Variants in XRCC4 observed in about 807,000 individuals in gnomAD.
XRCC4 encodes X-ray repair cross complementing 4.
A neutral mutation model predicts 39.1 loss-of-function variants in XRCC4; 28 were observed. That is an observed-to-expected ratio of 0.72 (90% confidence interval 0.53 to 0.98). The LOEUF is 0.98. Among genes scored for constraint, XRCC4 ranks in the 50% least tolerant of loss-of-function variants. The probability of loss-of-function intolerance (pLI) is 0.00; values close to 1 mark genes in which losing one functional copy is unlikely to be tolerated. For synonymous variants in XRCC4, 123 were observed against 126.4 expected, an observed-to-expected ratio of 0.97 and a Z score of 0.18; for missense variants, 350 against 376.4, an observed-to-expected ratio of 0.93 and a Z score of 0.58.
chr5:83,158,194 C>T (rs1384410639), intron 3 of XRCC4, among the ~76,000 whole-genome samples: 2 of 152,084 alleles, frequency 1.3e-5, no homozygotes, highest in African/African-American at 4.8e-5. Context: ...GGACGAATAA[C>T]GTCATCTTCT....
intron 3 of XRCC4, among the ~76,000 whole-genome samples, chr5:83,177,478 A>G (rs73132591): frequency 0.018 from 2,673 of 149,920 alleles, 77 homozygotes; most frequent in African/African-American, 0.063. Context: ...TTAAAAACAT[A>G]TCGAGCTTGG....
intron 1 of XRCC4, among the ~76,000 whole-genome samples, chr5:83,085,428 AT>A (rs1349693306): frequency 1.3e-5 from 2 of 152,054 alleles, no homozygotes; most frequent in Non-Finnish European, 2.9e-5. Flanking sequence ...ATAAAATTAC[AT>A]CTGTCTAAAC....
rs184989051 is a variant in XRCC4, at chr5:83,125,606, A to G, written c.315+14403A>G. Among the ~76,000 whole-genome samples, 647 of 152,096 alleles carry G rather than the reference A, an allele frequency of 4.3e-3. 2 individuals carry two copies. Among genetic ancestry groups the G allele is most frequent in the Non-Finnish European group, 5.5e-3 (375 of 67,980 alleles). On this transcript the variant is annotated intron_variant, in intron 3 of 7. Coordinates refer to ENST00000396027, the MANE Select transcript of XRCC4 (RefSeq NM_003401.5). ...TGGACTTGAGTGGGTCTATTTTTGT[A>G]TTTTCTATGCTGCCTCATGGATCTA... is the stretch of plus-strand genomic sequence containing the variant.
At chr5:83,133,657 C>G (rs1011289226) in intron 3 of XRCC4, among the ~76,000 whole-genome samples, 2 of 152,288 alleles carry the variant, frequency 1.3e-5, no homozygotes, top group African/African-American at 4.8e-5. Flanking sequence ...TAGCAGTGAG[C>G]GAGGCTCCAT....
chr5:83,245,933 A>T (rs1045061011), intron 6 of XRCC4, among the ~76,000 whole-genome samples: 1 of 151,314 alleles, frequency 6.6e-6, no homozygotes, highest in Non-Finnish European at 1.5e-5. Context: ...TTGTCTATTG[A>T]GTACTCATTC....
intron 3 of XRCC4, among the ~76,000 whole-genome samples, chr5:83,145,614 T>A (rs1386311356): frequency 6.6e-6 from 1 of 152,218 alleles, no homozygotes; most frequent in Admixed American, 6.5e-5. Flanking sequence ...CCATAGGATT[T>A]AGAGCTTCTC....
At chr5:83,279,960 A>C (rs1754478907) in intron 7 of XRCC4, 1 of 172,644 alleles carries the variant, frequency 5.8e-6, no homozygotes, top group African/African-American at 2.4e-5. Flanking sequence ...AGGTATATTT[A>C]TTTCTGGACT....
intron 7 of XRCC4, among the ~76,000 whole-genome samples, chr5:83,341,700 T>G (rs1052681504): frequency 6.6e-6 from 1 of 152,164 alleles, no homozygotes; most frequent in African/African-American, 2.4e-5. Flanking sequence ...GTATGGATTT[T>G]GGATTTTAAC....
intron 7 of XRCC4, among the ~76,000 whole-genome samples, chr5:83,309,918 G>A (rs1436266816): frequency 2.6e-5 from 4 of 152,012 alleles, no homozygotes; most frequent in Non-Finnish European, 5.9e-5. Flanking sequence ...TTATGTTATG[G>A]GACATTTAGA....
chr5:83,312,807 T>C (rs1755750034), intron 7 of XRCC4, among the ~76,000 whole-genome samples: 2 of 152,082 alleles, frequency 1.3e-5, no homozygotes, highest in Non-Finnish European at 2.9e-5. Context: ...GGAGAAGTTG[T>C]GGAAATGAGA....
intron 7 of XRCC4, among the ~76,000 whole-genome samples, chr5:83,279,385 C>T (rs1023755937): frequency 1.3e-5 from 2 of 151,914 alleles, no homozygotes; most frequent in African/African-American, 4.8e-5. Flanking sequence ...GGGAGCTAAC[C>T]GCACTATGGC....
intron 1 of XRCC4, among the ~76,000 whole-genome samples, chr5:83,096,102 A>G (rs1408141993): frequency 2.0e-5 from 3 of 152,000 alleles, no homozygotes; most frequent in African/African-American, 4.8e-5. Context: ...CTGAGTCACC[A>G]AGCCTGCCTT....
chr5:83,285,704 G>T (rs772079569), intron 7 of XRCC4, among the ~76,000 whole-genome samples: 6 of 152,112 alleles, frequency 3.9e-5, no homozygotes, highest in Admixed American at 6.6e-5. Context: ...TCGGTCAAGG[G>T]GGGGTTGTTT....
Position 83,088,558 on chromosome 5 carries a change from A to G in XRCC4, c.-11+10943A>G, listed in dbSNP as rs532253700. Among the ~76,000 whole-genome samples, 130 of 152,362 alleles carry G rather than the reference A, an allele frequency of 8.5e-4. No homozygotes were observed. The Middle Eastern group carries it at 0.01, about 12-fold the overall frequency. On this transcript the variant is annotated intron_variant, in intron 1 of 7. Transcript: ENST00000396027. ...CTAACTTGACTGAATAGCTTTTCAG[A>G]TCAGCATTTTAAATTTTGCTGTGCA...
At chr5:83,314,514 C>T (rs1023407592) in intron 7 of XRCC4, among the ~76,000 whole-genome samples, 18 of 152,150 alleles carry the variant, frequency 1.2e-4, no homozygotes, top group African/African-American at 4.3e-4. Flanking sequence ...TTGTGCTTCA[C>T]TTGTGGCACT....
chr5:83,242,022 G>A (rs1580414271), intron 6 of XRCC4, among the ~76,000 whole-genome samples: 4 of 151,656 alleles, frequency 2.6e-5, no homozygotes, highest in South Asian at 4.2e-4. Context: ...TGGCAGAGTC[G>A]GAAGAAGTGG....
At chr5:83,283,013 T>C (rs1418191504) in intron 7 of XRCC4, among the ~76,000 whole-genome samples, 3 of 151,112 alleles carry the variant, frequency 2.0e-5, no homozygotes, top group Non-Finnish European at 2.9e-5. Flanking sequence ...GTTTTCCATA[T>C]TGTCTACAGC....
intron 1 of XRCC4, among the ~76,000 whole-genome samples, chr5:83,083,804 T>C (rs1745065993): frequency 6.6e-6 from 1 of 152,220 alleles, no homozygotes; most frequent in African/African-American, 2.4e-5. Context: ...CAGACTCTTC[T>C]ATTTGGAATG....
In XRCC4 at chr5:83,270,129, A is replaced by T. The variant is rs185341712; in HGVS notation, c.893+11452A>T. The stretch of plus-strand genomic sequence containing the variant: ...CCTCGCATGCACAGTTCACAATAGG[A>T]TTTGTGCTCCTGTGAGAATCTAATG... On this transcript the variant is annotated intron_variant, in intron 7 of 7. Coordinates refer to ENST00000396027, the MANE Select transcript of XRCC4 (RefSeq NM_003401.5). Among the ~76,000 whole-genome samples the T allele has an allele frequency of 3.2e-3, 489 of 152,138 alleles. 1 individual carries two copies. Among genetic ancestry groups the T allele is most frequent in the Middle Eastern group, 0.014 (4 of 294 alleles).
Sources: allele counts gnomAD v4.1 joint callset (sites outside exome capture counted in the v4.1 genomes callset), GRCh38; gene constraint gnomAD v4.1.1; transcripts MANE v1.5; gene names NCBI Gene and HGNC (gene_info 2026-07-23, HGNC 2026-07-21).